SCAPER: variants seen among roughly 807,000 people sequenced by gnomAD.
SCAPER encodes S-phase cyclin A associated protein in the ER.
In SCAPER, 98 loss-of-function variants were observed where a neutral mutation model predicts 182.2. The ratio of observed to expected loss-of-function variants is 0.54; its 90% CI spans 0.46 to 0.64. SCAPER has a LOEUF of 0.64. Ranked by LOEUF, SCAPER falls within the 30% of genes least tolerant of loss-of-function variation. The pLI is 0.00. For missense variants in SCAPER, 1,432 were observed against 1,690.0 expected (o/e 0.85, Z 2.68); for synonymous variants, 605 against 564.6 (o/e 1.07, Z -1.01).
chr15:76,854,251 G>C (rs1158555099), intron 4 of SCAPER, among the ~76,000 whole-genome samples: 1 of 151,816 alleles, frequency 6.6e-6, no homozygotes, highest in East Asian at 1.9e-4. Context: ...CCTGGCAATA[G>C]AGCAAGACTC....
chr15:76,725,409 G>A (rs929021334), intron 17 of SCAPER, among the ~76,000 whole-genome samples: 31 of 128,068 alleles, frequency 2.4e-4, no homozygotes, highest in African/African-American at 7.8e-4. Context: ...CTCTCTTAGT[G>A]TATACATTAA....
At chr15:76,425,565 C>T (rs144105388) in intron 26 of SCAPER, among the ~76,000 whole-genome samples, 2,305 of 152,274 alleles carry the variant, frequency 0.015, 31 homozygotes, top group Middle Eastern at 0.027. Flanking sequence ...GTTCGAACTT[C>T]CTCCTTTAGC....
chr15:76,472,775 C>T (rs1424683781), intron 24 of SCAPER, among the ~76,000 whole-genome samples: 1 of 152,176 alleles, frequency 6.6e-6, no homozygotes, highest in African/African-American at 2.4e-5. Flanking sequence ...AACACCTTTC[C>T]CTTCCCATTT....
chr15:76,428,034 A>T (rs1038224425), intron 26 of SCAPER, among the ~76,000 whole-genome samples: 1 of 152,072 alleles, frequency 6.6e-6, no homozygotes, highest in African/African-American at 2.4e-5. Flanking sequence ...TGGGGGGTTG[A>T]GGCTGCAGTG....
chr15:76,375,151 A>C (rs1163151112), intron 29 of SCAPER, among the ~76,000 whole-genome samples: 1 of 148,504 alleles, frequency 6.7e-6, no homozygotes, highest in Admixed American at 6.9e-5. Flanking sequence ...CCAGGGGGTC[A>C]AGGCTGCAGT....
At chr15:76,650,659 AC>A (rs1433128947) in intron 21 of SCAPER, among the ~76,000 whole-genome samples, 2 of 152,140 alleles carry the variant, frequency 1.3e-5, no homozygotes, top group African/African-American at 4.8e-5. Flanking sequence ...GAATATTCTA[AC>A]AGTACTAACC....
chr15:76,382,133 G>A (rs2042984416), intron 27 of SCAPER, among the ~76,000 whole-genome samples: 2 of 152,108 alleles, frequency 1.3e-5, no homozygotes. Flanking sequence ...CAACATTGAG[G>A]AGTACAGGCA....
intron 23 of SCAPER, among the ~76,000 whole-genome samples, chr15:76,534,462 G>C (rs965233355): frequency 1.3e-5 from 2 of 152,114 alleles, no homozygotes; most frequent in African/African-American, 4.8e-5. Flanking sequence ...AGAGGCAAAA[G>C]GATTAGAAGC....
At chr15:76,368,732 C>G (rs115660864) in intron 29 of SCAPER, among the ~76,000 whole-genome samples, 31 of 152,256 alleles carry the variant, frequency 2.0e-4, no homozygotes, top group African/African-American at 7.0e-4. Flanking sequence ...ATCTATGGGG[C>G]CTTTCCAAAT....
chr15:76,499,695 G>C (rs2040923666), intron 24 of SCAPER, among the ~76,000 whole-genome samples: 1 of 152,146 alleles, frequency 6.6e-6, no homozygotes, highest in African/African-American at 2.4e-5. Flanking sequence ...TAACCCATTT[G>C]ATATTTTTTT....
At chr15:76,823,607 T>C (rs1015733292) in intron 5 of SCAPER, among the ~76,000 whole-genome samples, 12 of 152,060 alleles carry the variant, frequency 7.9e-5, no homozygotes, top group African/African-American at 2.7e-4. Context: ...TGAAATACAG[T>C]ACCACCCTTA....
intron 5 of SCAPER, among the ~76,000 whole-genome samples, chr15:76,817,314 T>G (rs943916970): frequency 5.3e-5 from 8 of 152,118 alleles, no homozygotes; most frequent in African/African-American, 1.9e-4. Context: ...AAGCCAGACC[T>G]ACAAAGAAAA....
intron 5 of SCAPER, among the ~76,000 whole-genome samples, chr15:76,819,429 A>T (rs550780952): frequency 1.0e-3 from 154 of 152,296 alleles, no homozygotes; most frequent in African/African-American, 3.6e-3. Flanking sequence ...GCAGTTCACC[A>T]ATATCCTCTG....
chr15:76,413,157 G>T (rs577782666), intron 26 of SCAPER, among the ~76,000 whole-genome samples: 122 of 152,052 alleles, frequency 8.0e-4, no homozygotes, highest in African/African-American at 2.7e-3. Context: ...TTTTCTATAC[G>T]TGCAATCATG....
At chr15:76,481,378 A>G (rs1017659459) in intron 24 of SCAPER, among the ~76,000 whole-genome samples, 9 of 152,216 alleles carry the variant, frequency 5.9e-5, no homozygotes, top group Admixed American at 4.6e-4. Flanking sequence ...ATGGGATTAT[A>G]TGACTGTTCA....
intron 2 of SCAPER, among the ~76,000 whole-genome samples, chr15:76,882,822 G>A (rs534302734): frequency 7.7e-4 from 117 of 152,182 alleles, no homozygotes; most frequent in African/African-American, 2.6e-3. Context: ...CCACCACCAC[G>A]CCAGGCTAAT....
chr15:76,848,306 A>G (rs1320071414), intron 4 of SCAPER, among the ~76,000 whole-genome samples: 2 of 123,394 alleles, frequency 1.6e-5, no homozygotes, highest in Non-Finnish European at 3.4e-5. Context: ...GGCCTAAAAC[A>G]TTGTGTTTTT....
chr15:76,839,507 T>C (rs926555815), intron 5 of SCAPER, among the ~76,000 whole-genome samples: 2 of 152,214 alleles, frequency 1.3e-5, no homozygotes, highest in African/African-American at 2.4e-5. Flanking sequence ...CGTTAAATTT[T>C]ATCTTCTTAC....
At chr15:76,890,314 G>A (rs1159471442) in intron 1 of SCAPER, among the ~76,000 whole-genome samples, 1 of 151,998 alleles carries the variant, frequency 6.6e-6, no homozygotes, top group Non-Finnish European at 1.5e-5. Flanking sequence ...AAATAACTAA[G>A]ATCAGAGCAG....
Sources: allele counts gnomAD v4.1 joint callset (sites outside exome capture counted in the v4.1 genomes callset), GRCh38; gene constraint gnomAD v4.1.1; transcripts MANE v1.5; gene names NCBI Gene and HGNC (gene_info 2026-07-23, HGNC 2026-07-21).